The following ZNF257 variants were observed in gnomAD, a reference collection of about 807,000 sequenced individuals.
ZNF257 encodes the protein zinc finger protein 257.
Under a neutral mutation model 11.9 loss-of-function variants are expected in ZNF257, and 12 were observed. The observed-to-expected ratio is 1.01, with a 90% CI of 0.65 to 1.63. ZNF257 has a LOEUF of 1.63. Among genes scored for constraint, ZNF257 ranks in the 40% most tolerant of loss-of-function variants. The probability of loss-of-function intolerance (pLI) is 0.00; values close to 1 mark genes in which losing one functional copy is unlikely to be tolerated. For missense variants in ZNF257, 580 were observed against 665.5 expected (o/e 0.87, Z 1.41); for synonymous variants, 183 against 222.7 (o/e 0.82, Z 1.59).
intron 1 of ZNF257, among the ~76,000 whole-genome samples, chr19:22,062,029 T>C (rs1189654016): frequency 6.6e-6 from 1 of 151,752 alleles, no homozygotes; most frequent in Non-Finnish European, 1.5e-5. Flanking sequence ...TGCTGTTGGC[T>C]GTTGGATTTG....
At position 22,088,627 on chromosome 19, in the gene ZNF257, G is replaced by C. The variant is rs201188711; in HGVS notation, c.877G>C (p.Ala293Pro). 1.9e-6 allele frequency: 3 copies of C among 1,611,522 alleles called. No individual in the cohort carries two copies. The highest frequency in any genetic ancestry group is 2.5e-6 in the Non-Finnish European group (3 of 1,179,624). The change falls in exon 4 of 4, where the codon GCC becomes CCC. Residue 293 changes from alanine to proline, a missense_variant. Physicochemically the swap from Ala to Pro is conservative, Grantham distance 27 (BLOSUM62 -1). Coordinates refer to ENST00000594947, the MANE Select transcript of ZNF257 (RefSeq NM_033468.4). ...CTTCAAATATGATGAATGTTGCAAAGCCTTTAAGTGGTCCTCAGCTCTTAC... is the reference window on the plus strand; with the variant it reads ...CTTCAAATATGATGAATGTTGCAAACCCTTTAAGTGGTCCTCAGCTCTTAC... ...KPFKYDECCK[A>P]FKWSSALTTL...
chr19:22,062,769 C>T (rs896762543), intron 1 of ZNF257, among the ~76,000 whole-genome samples: 2 of 152,168 alleles, frequency 1.3e-5, no homozygotes, highest in African/African-American at 2.4e-5. Context: ...TGAGCCTCCA[C>T]TCCTGGCCAG....
intron 3 of ZNF257, among the ~76,000 whole-genome samples, chr19:22,080,176 C>CA (rs1206461765): frequency 3.2e-4 from 49 of 152,038 alleles, no homozygotes; most frequent in Admixed American, 6.5e-5. Flanking sequence ...AACAGGGTCT[C>CA]ACTATGTTGC....
In ZNF257 at chr19:22,089,887, G is replaced by A. The variant is rs1416575514; in HGVS notation, c.*445G>A. 6.2e-6 allele frequency: 1 copy of A among 160,882 alleles called. No individual in the cohort carries two copies. Among genetic ancestry groups the A allele is most frequent in the African/African-American group, 2.4e-5 (1 of 41,456 alleles). 10.0% of individuals were successfully genotyped at this position (160,882 alleles called of 1,614,324 possible). ...CTACAATCCTGAATGATGTCACAGT[G>A]CTTTTAACAATACCTCAAACTTTTC... On this transcript the variant is annotated 3_prime_UTR_variant, in exon 4 of 4. Coordinates refer to ENST00000594947, the MANE Select transcript of ZNF257 (RefSeq NM_033468.4).
At chr19:22,066,536 C>G (rs1245041635) in intron 1 of ZNF257, 1 of 152,254 alleles carries the variant, frequency 6.6e-6, no homozygotes, top group Non-Finnish European at 1.5e-5. Flanking sequence ...CAGGGGAGGG[C>G]AAGCAGGAGT....
intron 1 of ZNF257, among the ~76,000 whole-genome samples, chr19:22,054,688 T>G (rs1016845716): frequency 2.6e-5 from 4 of 152,194 alleles, no homozygotes; most frequent in Non-Finnish European, 4.4e-5. Flanking sequence ...GACACTGTAG[T>G]GTAAAAAAAA....
chr19:22,076,713 G>A (rs1036427271), intron 3 of ZNF257, among the ~76,000 whole-genome samples: 9 of 152,158 alleles, frequency 5.9e-5, no homozygotes, highest in Middle Eastern at 6.8e-3. Flanking sequence ...TTTTGAGACG[G>A]AGTCTCGCTC....
At chr19:22,080,959 C>T (rs1342018402) in intron 3 of ZNF257, among the ~76,000 whole-genome samples, 5 of 150,762 alleles carry the variant, frequency 3.3e-5, no homozygotes, top group Non-Finnish European at 7.4e-5. Flanking sequence ...CTCACTGCAA[C>T]CTCCATCTCC....
In ZNF257 at chr19:22,087,979, A is replaced by G. The variant is rs764266084; in HGVS notation, c.229A>G (p.Met77Val). The G allele has an allele frequency of 2.7e-5, 40 of 1,483,388 alleles. No homozygotes were observed. The highest frequency in any genetic ancestry group is 3.6e-5 in the Non-Finnish European group (40 of 1,115,218). The allele number at this position is 1,483,388 out of a possible 1,614,324, so 91.9% of individuals were successfully genotyped here. ...TTTGTTGTTTTTATTTCTTTTAGTT[A>G]TGTGTTCTCATATTGCTGAAGACCT... is the stretch of plus-strand genomic sequence containing the variant. ...RHEMVAKPPV[M>V]CSHIAEDLCP... Residue 77 changes from methionine to valine, a missense_variant and splice_region_variant, in exon 4 of 4, where the codon ATG becomes GTG. Physicochemically the swap from Met to Val is conservative, Grantham distance 21 (BLOSUM62 1). Transcript: ENST00000594947.
At position 22,073,566 on chromosome 19, in the gene ZNF257, T is replaced by C. The variant is rs182972640; in HGVS notation, c.226+2T>C. 3.7e-6 allele frequency: 6 copies of C among 1,609,478 alleles called. No individual in the cohort carries two copies. Among genetic ancestry groups the C allele is most frequent in the East Asian group, 4.5e-5 (2 of 44,714 alleles). Reference sequence around the variant, plus strand: ...ATGAGATGGTAGCCAAACCCCCAGGTAGGTGAGAGTGAAAGCCAGTACAAC... The same window carrying C: ...ATGAGATGGTAGCCAAACCCCCAGGCAGGTGAGAGTGAAAGCCAGTACAAC... On this transcript the variant is annotated splice_donor_variant, in intron 3 of 3. Transcript: ENST00000594947. LOFTEE classifies it high-confidence loss of function.
At chr19:22,079,795 T>C (rs1336119058) in intron 3 of ZNF257, among the ~76,000 whole-genome samples, 1 of 152,132 alleles carries the variant, frequency 6.6e-6, no homozygotes, top group Non-Finnish European at 1.5e-5. Flanking sequence ...TTAAATTTGT[T>C]CACAACTGTA....
At chr19:22,062,023 G>A (rs1046378393) in intron 1 of ZNF257, among the ~76,000 whole-genome samples, 2 of 150,490 alleles carry the variant, frequency 1.3e-5, no homozygotes, top group Admixed American at 1.3e-4. Context: ...TTGATATGCT[G>A]TTGGCTGTTG....
intron 3 of ZNF257, among the ~76,000 whole-genome samples, chr19:22,082,402 G>T (rs1169128154): frequency 6.6e-6 from 1 of 152,074 alleles, no homozygotes; most frequent in Non-Finnish European, 1.5e-5. Context: ...TTGAACTCCT[G>T]GTCCCAAGTG....
At chr19:22,077,600 C>T (rs374009600) in intron 3 of ZNF257, among the ~76,000 whole-genome samples, 1 of 151,966 alleles carries the variant, frequency 6.6e-6, no homozygotes, top group African/African-American at 2.4e-5. Context: ...TCAAATGTGA[C>T]AAGATTTTAT....
At chr19:22,085,607 A>G (rs1359432408) in intron 3 of ZNF257, among the ~76,000 whole-genome samples, 1 of 151,914 alleles carries the variant, frequency 6.6e-6, no homozygotes, top group Non-Finnish European at 1.5e-5. Context: ...TACTATAATT[A>G]TATTGCTTTC....
Position 22,088,252 on chromosome 19 carries a change from A to G in ZNF257, c.502A>G (p.Thr168Ala), listed in dbSNP as rs1227721328. 1 of 1,613,140 alleles carries G rather than the reference A, an allele frequency of 6.2e-7. No homozygotes were observed. Among genetic ancestry groups the G allele is most frequent in the Admixed American group, 1.7e-5 (1 of 59,856 alleles). ...TTCAGATAGACATAAGATAAGACAT[A>G]CTGAAAAGAAAACTTGCAAATGTAA... ...SNSDRHKIRHTEKKTCKCKEC... is the reference protein window; with the variant it reads ...SNSDRHKIRHAEKKTCKCKEC... Residue 168 changes from threonine to alanine, a missense_variant, in exon 4 of 4, where the codon ACT becomes GCT. Transcript: ENST00000594947.
chr19:22,070,056 C>A (rs148368778), intron 1 of ZNF257, among the ~76,000 whole-genome samples: 1 of 151,564 alleles, frequency 6.6e-6, no homozygotes, highest in South Asian at 2.1e-4. Context: ...GTTGGTGAAG[C>A]CTGCTGTCTT....
Position 22,088,851 on chromosome 19 carries a change from TAA to T in ZNF257, c.1103_1104del (p.Lys368ArgfsTer7). ...TTACTCAACATAAGATAATTCATACTAAAGAGAAACCCTACAAATGTGAAGAG... is the reference window on the plus strand; with the variant it reads ...TTACTCAACATAAGATAATTCATACTAGAGAAACCCTACAAATGTGAAGAG... ...HLTQHKIIHT[K>X]EKPYKCEECG... On this transcript the variant is annotated frameshift_variant, in exon 4 of 4. Coordinates refer to ENST00000594947, the MANE Select transcript of ZNF257 (RefSeq NM_033468.4). LOFTEE classifies it low-confidence loss of function (END_TRUNC). 3 of 1,613,404 alleles carry T rather than the reference TAA, an allele frequency of 1.9e-6. No individual in the cohort carries two copies. Among genetic ancestry groups the T allele is most frequent in the Non-Finnish European group, 1.7e-6 (2 of 1,179,750 alleles).
chr19:22,068,443 A>C (rs1031028850), intron 1 of ZNF257, among the ~76,000 whole-genome samples: 2 of 152,166 alleles, frequency 1.3e-5, no homozygotes, highest in Middle Eastern at 3.2e-3. Context: ...GAATCTGCAC[A>C]TAAGAGCTGA....
Sources: allele counts gnomAD v4.1 joint callset (sites outside exome capture counted in the v4.1 genomes callset), GRCh38; gene constraint gnomAD v4.1.1; transcripts MANE v1.5; gene names NCBI Gene and HGNC (gene_info 2026-07-23, HGNC 2026-07-21).